Variants in PCDH15 observed in about 807,000 individuals in gnomAD.
PCDH15 encodes the protein protocadherin-15.
Under a neutral mutation model 178.5 loss-of-function variants are expected in PCDH15, and 129 were observed. The ratio of observed to expected loss-of-function variants is 0.72; its 90% CI spans 0.63 to 0.84. The LOEUF is 0.84. Among genes scored for constraint, PCDH15 ranks in the 40% least tolerant of loss-of-function variants. The pLI is 0.00. For synonymous variants in PCDH15, 800 were observed against 732.0 expected (o/e 1.09, Z -1.50); for missense variants, 2,230 against 2,099.9 (o/e 1.06, Z -1.21).
intron 25 of PCDH15, among the ~76,000 whole-genome samples, chr10:53,921,910 A>T (rs1268877652): frequency 9.2e-5 from 14 of 152,174 alleles, no homozygotes; most frequent in Admixed American, 9.2e-4. Flanking sequence ...TATGGAAAAG[A>T]TACTGGATTT....
intron 1 of PCDH15, among the ~76,000 whole-genome samples, chr10:54,776,461 G>A (rs540190164): frequency 4.0e-5 from 6 of 151,804 alleles, no homozygotes; most frequent in African/African-American, 1.2e-4. Context: ...ATTCCAAGCA[G>A]TTCATACCTG....
chr10:53,815,490 A>G (rs183008679), intron 35 of PCDH15, among the ~76,000 whole-genome samples: 1 of 152,242 alleles, frequency 6.6e-6, no homozygotes, highest in Admixed American at 6.5e-5. Flanking sequence ...CTCTCCATGG[A>G]AATTTTTGCT....
chr10:54,543,854 T>A (rs10825348), intron 2 of PCDH15, among the ~76,000 whole-genome samples: 47,612 of 151,976 alleles, frequency 0.31, 7,972 homozygotes, highest in Middle Eastern at 0.43. Flanking sequence ...CCAAACAGAG[T>A]TTGCCAGCTC....
At chr10:53,925,771 T>C (rs775981472) in intron 25 of PCDH15, among the ~76,000 whole-genome samples, 1 of 152,206 alleles carries the variant, frequency 6.6e-6, no homozygotes, top group Non-Finnish European at 1.5e-5. Flanking sequence ...TTCAGATGTG[T>C]GCAAATTAAG....
chr10:55,464,696 A>ATG (rs1430118334), intron 2 of PCDH15, among the ~76,000 whole-genome samples: 1 of 148,598 alleles, frequency 6.7e-6, no homozygotes, highest in African/African-American at 2.4e-5. Flanking sequence ...ATATATATGT[A>ATG]TGTGTATATA....
chr10:54,750,656 A>C (rs1946104114), intron 1 of PCDH15, among the ~76,000 whole-genome samples: 1 of 152,138 alleles, frequency 6.6e-6, no homozygotes, highest in Non-Finnish European at 1.5e-5. Context: ...ATTTATCTTT[A>C]TGCTTAATGC....
intron 2 of PCDH15, among the ~76,000 whole-genome samples, chr10:55,607,011 T>G (rs1317175440): frequency 6.6e-6 from 1 of 151,872 alleles, no homozygotes; most frequent in Non-Finnish European, 1.5e-5. Context: ...GACGAAGGGC[T>G]AATATCCAGA....
intron 2 of PCDH15, among the ~76,000 whole-genome samples, chr10:55,576,892 TG>T (rs1330034418): frequency 3.3e-5 from 5 of 152,202 alleles, no homozygotes; most frequent in African/African-American, 9.6e-5. Context: ...AAACTATGTA[TG>T]TGGGTACATG....
Position 53,817,660 on chromosome 10 carries a change from T to C in PCDH15, c.4452+335A>G, listed in dbSNP as rs2076114848. 2.0e-5 allele frequency among the ~76,000 whole-genome samples: 3 copies of C among 151,956 alleles called. No homozygotes were observed. The South Asian group carries it at 6.2e-4, about 32-fold the overall frequency. On this transcript the variant is annotated intron_variant, in intron 34 of 37. Coordinates refer to ENST00000644397, the MANE Select transcript of PCDH15 (RefSeq NM_001384140.1). ...TCTCAGCCTCCCAAGTAGCTGGGACTACAGGCAGTAATCCTAGTTTCTAAA... is the reference window on the plus strand; with the variant it reads ...TCTCAGCCTCCCAAGTAGCTGGGACCACAGGCAGTAATCCTAGTTTCTAAA...
At chr10:54,518,372 A>T (rs2082452879) in intron 3 of PCDH15, among the ~76,000 whole-genome samples, 1 of 152,138 alleles carries the variant, frequency 6.6e-6, no homozygotes, top group Non-Finnish European at 1.5e-5. Context: ...AAAATGATAA[A>T]GGGGATATCA....
At chr10:55,299,077 C>T (rs1843205128) in intron 1 of PCDH15, among the ~76,000 whole-genome samples, 1 of 152,114 alleles carries the variant, frequency 6.6e-6, no homozygotes, top group African/African-American at 2.4e-5. Flanking sequence ...CACTGTATAT[C>T]TGAATCTATA....
chr10:53,883,402 T>C (rs2080872192), intron 26 of PCDH15, among the ~76,000 whole-genome samples: 1 of 152,104 alleles, frequency 6.6e-6, no homozygotes, highest in Admixed American at 6.5e-5. Context: ...AAGAGATATA[T>C]TTTTTTCTTT....
chr10:54,339,007 G>A (rs1044732682), intron 6 of PCDH15, among the ~76,000 whole-genome samples: 5 of 152,038 alleles, frequency 3.3e-5, no homozygotes, highest in Admixed American at 1.3e-4. Context: ...GAAAGTTACT[G>A]CAGATCATGT....
At chr10:54,677,445 A>C (rs1379647220) in intron 1 of PCDH15, among the ~76,000 whole-genome samples, 1 of 152,126 alleles carries the variant, frequency 6.6e-6, no homozygotes, top group Non-Finnish European at 1.5e-5. Flanking sequence ...TTTTTAAATC[A>C]GATATAATGA....
intron 1 of PCDH15, among the ~76,000 whole-genome samples, chr10:54,776,896 C>A (rs960479637): frequency 2.0e-5 from 3 of 151,968 alleles, no homozygotes; most frequent in African/African-American, 7.3e-5. Flanking sequence ...AATAAAAATG[C>A]AGAGTTAAGA....
intron 2 of PCDH15, among the ~76,000 whole-genome samples, chr10:54,629,789 G>A (rs2093653572): frequency 6.6e-6 from 1 of 152,054 alleles, no homozygotes; most frequent in African/African-American, 2.4e-5. Flanking sequence ...TAGGAAAAAA[G>A]GCAGTCAAAT....
intron 2 of PCDH15, among the ~76,000 whole-genome samples, chr10:54,627,350 T>C (rs1223371867): frequency 6.6e-6 from 1 of 152,090 alleles, no homozygotes; most frequent in African/African-American, 2.4e-5. Flanking sequence ...TTCCCACGTG[T>C]TTTGGGAGGG....
chr10:54,759,706 C>T (rs1272553737), intron 1 of PCDH15, among the ~76,000 whole-genome samples: 1 of 152,160 alleles, frequency 6.6e-6, no homozygotes, highest in African/African-American at 2.4e-5. Context: ...ATCAATAATG[C>T]ACACTATCAG....
intron 3 of PCDH15, among the ~76,000 whole-genome samples, chr10:54,867,029 G>C (rs1208141659): frequency 6.6e-6 from 1 of 152,118 alleles, no homozygotes; most frequent in Non-Finnish European, 1.5e-5. Flanking sequence ...TTAAAGTTTA[G>C]ACTTTCTGCT....
Sources: allele counts gnomAD v4.1 joint callset (sites outside exome capture counted in the v4.1 genomes callset), GRCh38; gene constraint gnomAD v4.1.1; transcripts MANE v1.5; gene names NCBI Gene and HGNC (gene_info 2026-07-23, HGNC 2026-07-21).